The following HSPA12A variants were observed in gnomAD, a reference collection of about 807,000 sequenced individuals.
The protein encoded by HSPA12A is heat shock 70 kDa protein 12A.
Under a neutral mutation model 69.2 loss-of-function variants are expected in HSPA12A, and 28 were observed. The observed-to-expected ratio is 0.40, with a 90% confidence interval of 0.30 to 0.55. HSPA12A has a LOEUF of 0.55. Among genes scored for constraint, HSPA12A ranks in the 20% least tolerant of loss-of-function variants. The pLI is 0.38. For synonymous variants in HSPA12A, 345 were observed against 370.5 expected (o/e 0.93, Z 0.79); for missense variants, 686 against 900.7 (o/e 0.76, Z 3.05).
At chr10:116,721,288 A>G (rs1850768184) in intron 1 of HSPA12A, among the ~76,000 whole-genome samples, 1 of 152,164 alleles carries the variant, frequency 6.6e-6, no homozygotes, top group Non-Finnish European at 1.5e-5. Context: ...TGAATGAACA[A>G]TTCCTCCTGG....
intron 2 of HSPA12A, among the ~76,000 whole-genome samples, chr10:116,765,024 G>A (rs115280635): frequency 0.014 from 2,063 of 152,228 alleles, 45 homozygotes; most frequent in African/African-American, 0.048. Flanking sequence ...GAGTAAAGAT[G>A]TGATGTGGGG....
chr10:116,721,748 A>T (rs1554884390), intron 1 of HSPA12A, among the ~76,000 whole-genome samples: 1 of 152,108 alleles, frequency 6.6e-6, no homozygotes, highest in African/African-American at 2.4e-5. Context: ...CCTCAGAAAC[A>T]TATACACTCC....
intron 11 of HSPA12A, 60 bp downstream of exon 11, chr10:116,676,338 GA>G: frequency 7.2e-7 from 1 of 1,380,952 alleles, no homozygotes; most frequent in Non-Finnish European, 1.0e-6. Context: ...GTGATGCTGG[GA>G]AAGCCCATCC....
intron 2 of HSPA12A, among the ~76,000 whole-genome samples, chr10:116,756,704 G>A (rs1182110183): frequency 6.6e-6 from 1 of 152,150 alleles, no homozygotes; most frequent in African/African-American, 2.4e-5. Context: ...CTACATAGTG[G>A]GAGTTCATTC....
upstream of HSPA12A, among the ~76,000 whole-genome samples, chr10:116,746,310 A>G (rs549969599): frequency 6.6e-6 from 1 of 152,140 alleles, no homozygotes; most frequent in East Asian, 1.9e-4. Flanking sequence ...ATAACTACCA[A>G]CTGTGGAAAG....
intron 5 of HSPA12A, among the ~76,000 whole-genome samples, chr10:116,694,123 C>G (rs2132945301): frequency 6.6e-6 from 1 of 152,304 alleles, no homozygotes. Flanking sequence ...TTTAGAGGAG[C>G]TGTCAGTTCC....
rs183746615 is a variant in HSPA12A at position 116,819,356 on chromosome 10, G to T, written c.91+15579C>A. On this transcript the variant is annotated intron_variant, in intron 2 of 12. Coordinates refer to the HSPA12A transcript ENST00000635765. Reference sequence around the variant, plus strand: ...CTTGCACTTTACATAGGAGGGTTCCGTGGTCTGAGTCTTTGTGTCCCTGCA... The same window carrying T: ...CTTGCACTTTACATAGGAGGGTTCCTTGGTCTGAGTCTTTGTGTCCCTGCA... Among the ~76,000 whole-genome samples the T allele has an allele frequency of 2.6e-5, 4 of 152,288 alleles. No individual in the cohort carries two copies. The East Asian group carries it at 7.7e-4, about 29-fold the overall frequency.
At chr10:116,782,692 T>C (rs567655393) in intron 2 of HSPA12A, among the ~76,000 whole-genome samples, 12 of 152,310 alleles carry the variant, frequency 7.9e-5, no homozygotes, top group African/African-American at 2.9e-4. Flanking sequence ...TGCTATCAAC[T>C]GCTTTTTAAA....
chr10:116,784,210 C>T (rs1038258292), intron 2 of HSPA12A, among the ~76,000 whole-genome samples: 4 of 152,346 alleles, frequency 2.6e-5, no homozygotes, highest in South Asian at 2.1e-4. Context: ...CCCAGCTTCC[C>T]TTGTGGCTAG....
rs1448227013 is a variant in HSPA12A at position 116,687,054 on chromosome 10, G to A, written c.664-3092C>T. Among the ~76,000 whole-genome samples the A allele has an allele frequency of 2.6e-5, 4 of 152,200 alleles. No individual in the cohort carries two copies. In the East Asian group the frequency reaches 5.8e-4, roughly 22 times the overall value. Reference sequence around the variant, plus strand: ...AAAATTCTACAACTCGAGGGCATCCGAGTGTGCCTGGTGTGCAACTGAAAA... The same window carrying A: ...AAAATTCTACAACTCGAGGGCATCCAAGTGTGCCTGGTGTGCAACTGAAAA... On this transcript the variant is annotated intron_variant, in intron 6 of 11. Coordinates refer to ENST00000369209, the MANE Select transcript of HSPA12A (RefSeq NM_025015.3).
upstream of HSPA12A, chr10:116,849,833 T>G: frequency 3.8e-6 from 5 of 1,329,788 alleles, no homozygotes; most frequent in Non-Finnish European, 5.1e-6. Context: ...GAATCTCGCA[T>G]GCCAGCCGCC....
At chr10:116,767,001 TGAG>T (rs1371723524) in intron 2 of HSPA12A, among the ~76,000 whole-genome samples, 2 of 152,074 alleles carry the variant, frequency 1.3e-5, no homozygotes, top group Non-Finnish European at 2.9e-5. Context: ...CCCAGGGAAC[TGAG>T]GAGGGAACGC....
upstream of HSPA12A, chr10:116,849,766 A>G (rs1324053276): frequency 1.4e-6 from 2 of 1,458,424 alleles, no homozygotes; most frequent in African/African-American, 2.9e-5. Flanking sequence ...CCTCCCGCCA[A>G]CCCCTCTCCC....
chr10:116,777,185 G>A (rs370137960), intron 2 of HSPA12A, among the ~76,000 whole-genome samples: 18 of 152,178 alleles, frequency 1.2e-4, no homozygotes, highest in African/African-American at 3.9e-4. Flanking sequence ...TTCTTGCCGC[G>A]TGGCACTGGG....
intron 1 of HSPA12A, among the ~76,000 whole-genome samples, chr10:116,734,635 T>A (rs1327255333): frequency 6.8e-6 from 1 of 146,034 alleles, no homozygotes; most frequent in Non-Finnish European, 1.5e-5. Flanking sequence ...GGTAGTTGCA[T>A]CTACAGATTT....
chr10:116,769,972 C>T (rs937848212), intron 2 of HSPA12A, among the ~76,000 whole-genome samples: 8 of 152,184 alleles, frequency 5.3e-5, no homozygotes, highest in Non-Finnish European at 8.8e-5. Flanking sequence ...CCAGGGAAGG[C>T]TGCAAGAAGC....
rs782180139 is a variant in HSPA12A, at chr10:116,705,225, G to A, written c.180C>T (p.Ala60=). Residue 60 remains alanine, a synonymous_variant, in exon 3 of 12, where the codon GCC becomes GCT. Coordinates refer to ENST00000369209, the MANE Select transcript of HSPA12A (RefSeq NM_025015.3). The part of the protein sequence containing the change: ...SEQQSFLVVV[A]VDFGTTSSGY... Reference sequence around the variant, plus strand: ...CACTGGATGTGGTCCCAAAGTCGACGGCCACCACCACGAGAAATGACTGCT... The same window carrying A: ...CACTGGATGTGGTCCCAAAGTCGACAGCCACCACCACGAGAAATGACTGCT... The A allele has an allele frequency of 6.8e-6, 11 of 1,614,010 alleles. No homozygotes were observed. The highest frequency in any genetic ancestry group is 4.0e-5 in the African/African-American group (3 of 74,920).
intron 1 of HSPA12A, among the ~76,000 whole-genome samples, chr10:116,847,133 T>C (rs1021631876): frequency 6.6e-6 from 1 of 152,178 alleles, no homozygotes; most frequent in Admixed American, 6.5e-5. Flanking sequence ...ACCCAATGCA[T>C]CATATCGCCT....
intron 1 of HSPA12A, among the ~76,000 whole-genome samples, chr10:116,726,532 G>A (rs1850968081): frequency 6.6e-6 from 1 of 151,738 alleles, no homozygotes; most frequent in South Asian, 2.1e-4. Flanking sequence ...CACCCCCCTT[G>A]TGAGTGCTCC....
Sources: gnomAD v4.1 joint callset for allele counts (sites outside exome capture counted in the v4.1 genomes callset) on GRCh38, gnomAD v4.1.1 for gene constraint, MANE v1.5 for transcripts, NCBI Gene and HGNC (gene_info 2026-07-23, HGNC 2026-07-21) for gene names.